The following AFAP1 variants were observed in gnomAD, a reference collection of about 807,000 sequenced individuals.
The protein encoded by AFAP1 is actin filament associated protein 1, also known as actin filament-associated protein 1.
AFAP1 carries 75 observed loss-of-function variants against 93.9 expected under a neutral mutation model. The observed-to-expected ratio is 0.80, with a 90% CI of 0.66 to 0.97. The LOEUF (loss-of-function observed/expected upper bound fraction) is 0.97, where lower values mean the gene tolerates loss of function less well. AFAP1 is among the 50% of genes least tolerant of loss of function. AFAP1 has a pLI of 0.00. For synonymous variants in AFAP1, 517 were observed against 430.7 expected (o/e 1.20, Z -2.48); for missense variants, 1,201 against 1,050.8 (o/e 1.14, Z -1.98).
At chr4:7,882,853 A>G (rs901646569) in intron 1 of AFAP1, among the ~76,000 whole-genome samples, 5 of 151,568 alleles carry the variant, frequency 3.3e-5, no homozygotes, top group Non-Finnish European at 5.9e-5. Context: ...GCAAGACTCC[A>G]TCTCAAAAAG....
intron 7 of AFAP1, 83 bp from the exon 8 acceptor site, chr4:7,816,182 CA>C: frequency 8.3e-7 from 1 of 1,204,550 alleles, no homozygotes. Flanking sequence ...AAAGTTATCT[CA>C]AAAGTGAAAG....
intron 4 of AFAP1, among the ~76,000 whole-genome samples, chr4:7,850,958 C>T (rs554744135): frequency 1.3e-5 from 2 of 152,300 alleles, no homozygotes; most frequent in South Asian, 4.1e-4. Flanking sequence ...CAACCACTGA[C>T]TTCAACAGCT....
chr4:7,910,774 T>C (rs1196157450), intron 1 of AFAP1, among the ~76,000 whole-genome samples: 1 of 152,218 alleles, frequency 6.6e-6, no homozygotes, highest in Non-Finnish European at 1.5e-5. Flanking sequence ...TGCTGTCTCA[T>C]CTCGTCACCA....
At chr4:7,763,883 G>A in intron 17 of AFAP1, 92 bp from the exon 18 acceptor site, 1 of 1,329,786 alleles carries the variant, frequency 7.5e-7, no homozygotes. Flanking sequence ...CAGAGGGGGT[G>A]GGTGCTCGGC....
chr4:7,894,035 T>C (rs949747563), intron 1 of AFAP1, among the ~76,000 whole-genome samples: 1 of 152,092 alleles, frequency 6.6e-6, no homozygotes, highest in Non-Finnish European at 1.5e-5. Flanking sequence ...GTAAGAACAA[T>C]GCCCCCAAAC....
chr4:7,839,797 A>G (rs998299006), intron 5 of AFAP1, among the ~76,000 whole-genome samples: 2 of 152,184 alleles, frequency 1.3e-5, no homozygotes, highest in Non-Finnish European at 2.9e-5. Flanking sequence ...TTGGGGCCAA[A>G]GCATACCTCC....
Position 7,795,048 on chromosome 4 carries a change from G to A in AFAP1, c.1267-1222C>T, listed in dbSNP as rs558112851. On this transcript the variant is annotated intron_variant, in intron 10 of 17. Transcript: ENST00000420658. ...CTCTAAGTTGAGCTTAAAGAAAATT[G>A]GGTTTTATAATTATAACCTTGACAA... Among the ~76,000 whole-genome samples the A allele has an allele frequency of 6.6e-5, 10 of 152,196 alleles. No homozygotes were observed. In the South Asian group the frequency reaches 2.1e-3, roughly 32 times the overall value.
At chr4:7,934,574 A>G (rs1339577452) in intron 1 of AFAP1, among the ~76,000 whole-genome samples, 5 of 152,186 alleles carry the variant, frequency 3.3e-5, no homozygotes, top group Admixed American at 3.3e-4. Flanking sequence ...TATCAGGGGC[A>G]CTCAGGAGAA....
intron 1 of AFAP1, among the ~76,000 whole-genome samples, chr4:7,905,140 A>G (rs915609105): frequency 6.6e-6 from 1 of 152,172 alleles, no homozygotes; most frequent in Non-Finnish European, 1.5e-5. Context: ...AAGCTCCTAG[A>G]AGTTGAAGGC....
At chr4:7,913,957 G>C (rs185145202) in intron 1 of AFAP1, among the ~76,000 whole-genome samples, 2 of 152,262 alleles carry the variant, frequency 1.3e-5, no homozygotes, top group Admixed American at 6.5e-5. Context: ...TGTAATGTAT[G>C]TGATCAGAGT....
chr4:7,763,615 G>C lies in AFAP1; in HGVS notation c.*150C>G. 1.3e-6 allele frequency: 1 copy of C among 777,996 alleles called. No individual in the cohort carries two copies. Among genetic ancestry groups the C allele is most frequent in the Non-Finnish European group, 2.0e-6 (1 of 496,846 alleles). 48.2% of individuals were successfully genotyped at this position (777,996 alleles called of 1,614,324 possible). A position where few individuals can be genotyped will look rare whatever the true frequency, so the allele number is the denominator to read the frequency against. ...AGTAGAAAGAATACAAGTGGGCCTG[G>C]GGGACAGGCACTGGCCTCAGAGCTC... On this transcript the variant is annotated 3_prime_UTR_variant, in exon 18 of 18. Coordinates refer to ENST00000420658, the MANE Select transcript of AFAP1 (RefSeq NM_001134647.2).
At chr4:7,769,193 CG>C in intron 16 of AFAP1, among the ~76,000 whole-genome samples, 185 bp from the exon 17 acceptor site, 1 of 152,298 alleles carries the variant, frequency 6.6e-6, no homozygotes, top group South Asian at 2.1e-4. Flanking sequence ...CATTCACGGC[CG>C]GGGGGCAGAG....
intron 1 of AFAP1, among the ~76,000 whole-genome samples, chr4:7,892,220 AC>A (rs1166777390): frequency 6.6e-6 from 1 of 152,202 alleles, no homozygotes; most frequent in Admixed American, 6.5e-5. Flanking sequence ...AGGCTCCGGC[AC>A]CATTTCTAAG....
At chr4:7,812,241 G>A (rs1203644404) in intron 8 of AFAP1, among the ~76,000 whole-genome samples, 1 of 152,066 alleles carries the variant, frequency 6.6e-6, no homozygotes, top group Non-Finnish European at 1.5e-5. Context: ...CCGAGTGCCC[G>A]GGGCACCCTC....
At chr4:7,806,252 AG>A (rs1393531103) in intron 9 of AFAP1, among the ~76,000 whole-genome samples, 2 of 152,248 alleles carry the variant, frequency 1.3e-5, no homozygotes, top group Non-Finnish European at 2.9e-5. Flanking sequence ...CTGGCCAGCC[AG>A]GCTGCAATCC....
chr4:7,820,472 C>T (rs1024840940), intron 6 of AFAP1, among the ~76,000 whole-genome samples: 1 of 152,002 alleles, frequency 6.6e-6, no homozygotes, highest in Non-Finnish European at 1.5e-5. Flanking sequence ...AGCCCGTTGG[C>T]GTCAAGGAGT....
At chr4:7,912,199 T>A (rs1286719815) in intron 1 of AFAP1, among the ~76,000 whole-genome samples, 1 of 152,234 alleles carries the variant, frequency 6.6e-6, no homozygotes, top group East Asian at 1.9e-4. Context: ...ACCATTCACC[T>A]GCTGAGTGGT....
At chr4:7,866,089 G>A (rs1320410458) in intron 3 of AFAP1, among the ~76,000 whole-genome samples, 1 of 151,972 alleles carries the variant, frequency 6.6e-6, no homozygotes, top group African/African-American at 2.4e-5. Flanking sequence ...AGAGACGGGG[G>A]TTTCACCATG....
chr4:7,923,371 G>T (rs1577362664), intron 1 of AFAP1, among the ~76,000 whole-genome samples: 1 of 152,338 alleles, frequency 6.6e-6, no homozygotes, highest in East Asian at 1.9e-4. Flanking sequence ...GGAAGTCCAA[G>T]ATCAAGGTGT....
Sources: allele counts gnomAD v4.1 joint callset (sites outside exome capture counted in the v4.1 genomes callset), GRCh38; gene constraint gnomAD v4.1.1; transcripts MANE v1.5; gene names NCBI Gene and HGNC (gene_info 2026-07-23, HGNC 2026-07-21).